ATF5: variants seen among roughly 807,000 people sequenced by gnomAD.
The protein encoded by ATF5 is cyclic AMP-dependent transcription factor ATF-5.
ATF5 carries 6 observed loss-of-function variants against 4.6 expected under a neutral mutation model. The ratio of observed to expected loss-of-function variants is 1.31; its 90% confidence interval spans 0.72 to 2.59. The LOEUF is 2.59. ATF5 is among the 30% of genes most tolerant of loss of function. The pLI is 0.00. For synonymous variants in ATF5, 193 were observed against 165.0 expected (o/e 1.17, Z -1.30); for missense variants, 410 against 368.7 (o/e 1.11, Z -0.92).
intron 1 of ATF5, chr19:49,929,647 G>A (rs1208690576): frequency 6.6e-6 from 1 of 152,204 alleles, no homozygotes; most frequent in African/African-American, 2.4e-5. Context: ...TCCAGGGGAG[G>A]GTGTGTTTTT....
intron 1 of ATF5, chr19:49,930,457 G>GTTT (rs773330574): frequency 0.037 from 3,825 of 104,146 alleles, 63 homozygotes; most frequent in Admixed American, 0.11. Context: ...AGACCTTTAG[G>GTTT]TTTTTTTTTT....
At position 49,930,924 on chromosome 19, in the gene ATF5, T is replaced by C. The variant is rs1438796097; in HGVS notation, c.74T>C (p.Val25Ala). Residue 25 changes from valine to alanine, a missense_variant, in exon 2 of 3, where the codon GTA becomes GCA. Coordinates refer to ENST00000423777, the MANE Select transcript of ATF5 (RefSeq NM_001193646.2). ...LLPASGLGWL[V>A]DYGKLPPAPA... Reference sequence around the variant, plus strand: ...CCAGCTAGTGGGCTGGGATGGCTCGTAGACTATGGGAAACTCCCCCCGGCC... The same window carrying C: ...CCAGCTAGTGGGCTGGGATGGCTCGCAGACTATGGGAAACTCCCCCCGGCC... The C allele has an allele frequency of 6.2e-7, 1 of 1,611,912 alleles. No homozygotes were observed. Among genetic ancestry groups the C allele is most frequent in the African/African-American group, 1.3e-5 (1 of 74,988 alleles).
chr19:49,930,964 T>A lies in ATF5; in HGVS notation c.114T>A (p.Ala38=), dbSNP rs1462296586. ...TCCCCCCGGCCCCTGCCCCCCTGGC[T>A]CCCTATGAGGTCCTTGGGGGAGCCC... ...GKLPPAPAPL[A]PYEVLGGALE... is the part of the protein sequence containing the mutation. The change falls in exon 2 of 3, where the codon GCT becomes GCA. Residue 38 remains alanine (A), a synonymous_variant. Transcript: ENST00000423777. The A allele has an allele frequency of 1.3e-6, 2 of 1,591,330 alleles. No homozygotes were observed. Among genetic ancestry groups the A allele is most frequent in the Non-Finnish European group, 8.5e-7 (1 of 1,169,906 alleles).
At position 49,932,916 on chromosome 19, in the gene ATF5, T is replaced by TA; in HGVS notation, c.674dup (p.Tyr225Ter). The change falls in exon 3 of 3, where the codon TAC (tyrosine) becomes TAAC (stop). Residue 225 changes from tyrosine (Y) to a stop codon, truncating the protein, a stop_gained and frameshift_variant. Transcript: ENST00000423777. LOFTEE classifies it high-confidence loss of function. ...CCAGAACAAGTCGGCGGCTCTGAGG[T>TA]ACCGCCAGCGGAAGCGGGCAGAGGG... ...RDQNKSAALR[Y>*]RQRKRAEGEA... 1 of 1,613,558 alleles carries TA rather than the reference T, an allele frequency of 6.2e-7. No individual in the cohort carries two copies. The highest frequency in any genetic ancestry group is 1.1e-5 in the South Asian group (1 of 91,036).
intron 2 of ATF5, among the ~76,000 whole-genome samples, chr19:49,931,661 AAGT>A (rs1165455166): frequency 6.6e-6 from 1 of 152,100 alleles, no homozygotes; most frequent in Non-Finnish European, 1.5e-5. Flanking sequence ...AATAAAAAAA[AAGT>A]AGGGAAGGAA....
Position 49,933,803 on chromosome 19 carries a change from C to A in ATF5, c.*711C>A, listed in dbSNP as rs76748318. On this transcript the variant is annotated 3_prime_UTR_variant, in exon 3 of 3. Coordinates refer to ENST00000423777, the MANE Select transcript of ATF5 (RefSeq NM_001193646.2). ...GGGCTGTAGTTGGTGACTGGGTGTT[C>A]ATTTTAGCTCTAAGAAAAAAAATCA... is the stretch of plus-strand genomic sequence containing the variant. 3.9e-3 allele frequency: 596 copies of A among 152,842 alleles called. 27 individuals are homozygous for A. In the East Asian group the frequency reaches 0.092, roughly 24 times the overall value. The allele number at this position is 152,842 out of a possible 1,614,324, so 9.5% of individuals were successfully genotyped here.
chr19:49,929,120 G>C (rs1482638354), upstream of ATF5: 1 of 151,964 alleles, frequency 6.6e-6, no homozygotes, highest in Non-Finnish European at 1.5e-5. Flanking sequence ...GGTTGGGGCC[G>C]CGCGAGGGCG....
At chr19:49,931,129 G>A (rs2076057162) in intron 2 of ATF5, 101 bp downstream of exon 2, 3 of 1,097,490 alleles carry the variant, frequency 2.7e-6, no homozygotes, top group African/African-American at 1.6e-5. Flanking sequence ...TGCCTACAAT[G>A]TGCCAGGCAC....
At chr19:49,929,788 G>C (rs1185513307) in intron 1 of ATF5, 1 of 152,276 alleles carries the variant, frequency 6.6e-6, no homozygotes, top group East Asian at 1.9e-4. Flanking sequence ...GAGGTGTAAA[G>C]GCAATTGGAC....
In ATF5 at chr19:49,932,105, G is replaced by A. The variant is rs59170121; in HGVS notation, c.179-317G>A. Reference sequence around the variant, plus strand: ...TAACTGGTTCATTGGTTGATTAATGGGTTGATTGGTTGGTTGACTGATTTA... The same window carrying A: ...TAACTGGTTCATTGGTTGATTAATGAGTTGATTGGTTGGTTGACTGATTTA... On this transcript the variant is annotated intron_variant, in intron 2 of 2. Coordinates refer to ENST00000423777, the MANE Select transcript of ATF5 (RefSeq NM_001193646.2). 1.4e-3 allele frequency among the ~76,000 whole-genome samples: 220 copies of A among 151,984 alleles called. 4 individuals are homozygous for A. The East Asian group carries it at 0.039, about 27-fold the overall frequency.
Position 49,932,641 on chromosome 19 carries a change from C to CACCACT in ATF5, c.404_409dup (p.Leu135_Pro136dup), listed in dbSNP as rs2076076714. 6.5e-7 allele frequency: 1 copy of CACCACT among 1,539,910 alleles called. No individual in the cohort carries two copies. The highest frequency in any genetic ancestry group is 8.8e-7 in the Non-Finnish European group (1 of 1,139,464). On this transcript the variant is annotated inframe_insertion, in exon 3 of 3. Transcript: ENST00000423777. The stretch of plus-strand genomic sequence containing the variant: ...CCCTCCCCGCCGCCACTACCACCAC[C>CACCACT]ACCACTACCACCAGCCCCCTCCCTC...
At chr19:49,930,495 G>A (rs988467182) in intron 1 of ATF5, 2 of 218,648 alleles carry the variant, frequency 9.1e-6, no homozygotes, top group Admixed American at 5.9e-5. Flanking sequence ...GTGGGGCATC[G>A]GTCCTACTTT....
At chr19:49,931,088 G>A (rs2076056238) in intron 2 of ATF5, 60 bp downstream of exon 2, 3 of 1,362,474 alleles carry the variant, frequency 2.2e-6, no homozygotes, top group Non-Finnish European at 2.9e-6. Flanking sequence ...GGGGGAGGAA[G>A]AACTCATCCA....
Position 49,932,790 on chromosome 19 carries a change from C to G in ATF5, c.547C>G (p.Pro183Ala), listed in dbSNP as rs1296819633. Residue 183 changes from proline (P) to alanine (A), a missense_variant, in exon 3 of 3, where the codon CCA (proline) becomes GCA (alanine). Physicochemically the swap from Pro to Ala is conservative, Grantham distance 27 (BLOSUM62 -1). Coordinates refer to ENST00000423777, the MANE Select transcript of ATF5 (RefSeq NM_001193646.2). ...EEVGMPPLPPPQQPPPPSPPQ... is the reference protein window; with the variant it reads ...EEVGMPPLPPAQQPPPPSPPQ... ...AGTGGGGATGCCGCCTCTGCCCCCG[C>G]CACAGCAGCCCCCTCCTCCTTCTCC... 1.9e-6 allele frequency: 3 copies of G among 1,607,602 alleles called. No individual in the cohort carries two copies. Among genetic ancestry groups the G allele is most frequent in the South Asian group, 2.2e-5 (2 of 89,972 alleles).
In ATF5 at chr19:49,930,958, C is replaced by T; in HGVS notation, c.108C>T (p.Pro36=). 6.3e-7 allele frequency: 1 copy of T among 1,594,102 alleles called. No individual in the cohort carries two copies. Residue 36 remains proline, a synonymous_variant, in exon 2 of 3, where the codon CCC becomes CCT. Coordinates refer to ENST00000423777, the MANE Select transcript of ATF5 (RefSeq NM_001193646.2). ...GGAAACTCCCCCCGGCCCCTGCCCC[C>T]CTGGCTCCCTATGAGGTCCTTGGGG... ...DYGKLPPAPA[P]LAPYEVLGGA... is the part of the protein sequence containing the mutation.
Position 49,932,855 on chromosome 19 carries a change from C to T in ATF5, c.612C>T (p.Ala204=). The T allele has an allele frequency of 6.2e-7, 1 of 1,612,692 alleles. No individual in the cohort carries two copies. The highest frequency in any genetic ancestry group is 8.5e-7 in the Non-Finnish European group (1 of 1,179,462). Residue 204 remains alanine, a synonymous_variant, in exon 3 of 3, where the codon GCC becomes GCT. Coordinates refer to ENST00000423777, the MANE Select transcript of ATF5 (RefSeq NM_001193646.2). ...PSRLAPYPHP[A]TTRGDRKQKK... is the part of the protein sequence containing the mutation. ...GCCTGGCCCCCTACCCACATCCTGC[C>T]ACCACCCGAGGGGACCGCAAGCAAA...
rs756493559 is a variant in ATF5 at position 49,930,884 on chromosome 19, G to T, written c.34G>T (p.Asp12Tyr). 1 of 1,608,928 alleles carries T rather than the reference G, an allele frequency of 6.2e-7. No homozygotes were observed. The highest frequency in any genetic ancestry group is 1.7e-5 in the Admixed American group (1 of 59,422). ...SLLATLGLELDRALLPASGLG... is the reference protein window; with the variant it reads ...SLLATLGLELYRALLPASGLG... ...CCTGGCGACCCTGGGGCTGGAGCTG[G>T]ACAGGGCCCTGCTCCCAGCTAGTGG... is the stretch of plus-strand genomic sequence containing the variant. The change falls in exon 2 of 3, where the codon GAC (aspartate) becomes TAC (tyrosine). Residue 12 changes from aspartate (D) to tyrosine (Y), a missense_variant. Physicochemically the swap from Asp to Tyr is radical, Grantham distance 160. Coordinates refer to ENST00000423777, the MANE Select transcript of ATF5 (RefSeq NM_001193646.2).
In ATF5 at chr19:49,932,603, G is replaced by GCTCCTCCCCC; in HGVS notation, c.361_362insTCCTCCCCCC (p.Pro121LeufsTer32). 4.3e-6 allele frequency: 6 copies of GCTCCTCCCCC among 1,396,362 alleles called. No individual in the cohort carries two copies. Among genetic ancestry groups the GCTCCTCCCCC allele is most frequent in the Admixed American group, 2.2e-5 (1 of 45,672 alleles). 86.5% of individuals were successfully genotyped at this position (1,396,362 alleles called of 1,614,324 possible). A position where few individuals can be genotyped will look rare whatever the true frequency, so the allele number is the denominator to read the frequency against. On this transcript the variant is annotated frameshift_variant, in exon 3 of 3. Transcript: ENST00000423777. LOFTEE classifies it low-confidence loss of function (END_TRUNC). ...TGGAAGACTTCTTCCTAGATGCCCC[G>GCTCCTCCCCC]CCCCTCCCACCACCCTCCCCGCCGC...
rs778451301 is a variant in ATF5, at chr19:49,933,179, G to A, written c.*87G>A. On this transcript the variant is annotated 3_prime_UTR_variant, in exon 3 of 3. Coordinates refer to ENST00000423777, the MANE Select transcript of ATF5 (RefSeq NM_001193646.2). The stretch of plus-strand genomic sequence containing the variant: ...TCTACCTTCATTCCAAACCCCTCTC[G>A]GCCGGGTGCAGTGGCTTATGCTTGT... The A allele has an allele frequency of 1.6e-5, 22 of 1,380,088 alleles. No individual in the cohort carries two copies. In the African/African-American group the frequency reaches 1.9e-4, roughly 12 times the overall value. 85.5% of individuals were successfully genotyped at this position (1,380,088 alleles called of 1,614,324 possible).
Sources: gnomAD v4.1 joint callset for allele counts (sites outside exome capture counted in the v4.1 genomes callset) on GRCh38, gnomAD v4.1.1 for gene constraint, MANE v1.5 for transcripts, NCBI Gene and HGNC (gene_info 2026-07-23, HGNC 2026-07-21) for gene names.